The following DPP9 variants were observed in gnomAD, a reference collection of about 807,000 sequenced individuals.
DPP9 encodes the protein dipeptidyl peptidase IV-related protein-2.
In DPP9, 50 loss-of-function variants were observed where a neutral mutation model predicts 110.7. The ratio of observed to expected loss-of-function variants is 0.45; its 90% CI spans 0.36 to 0.57. The LOEUF is 0.57. DPP9 is among the 20% of genes least tolerant of loss of function. DPP9 has a pLI of 0.00. For missense variants in DPP9, 1,022 were observed against 1,217.9 expected (o/e 0.84, Z 2.39); for synonymous variants, 561 against 514.4 (o/e 1.09, Z -1.23).
chr19:4,679,247 C>T (rs1250075136), intron 21 of DPP9: 2 of 153,112 alleles, frequency 1.3e-5, no homozygotes, highest in African/African-American at 4.8e-5. Context: ...TCCCACCCTC[C>T]TCGCCATTGA....
rs368864321 is a variant in DPP9 at position 4,684,820 on chromosome 19, G to A, written c.2032-11C>T. The A allele has an allele frequency of 6.4e-5, 101 of 1,585,728 alleles. No individual in the cohort carries two copies. In the African/African-American group the frequency reaches 1.3e-3, roughly 20 times the overall value. ...ATTCACCAGCTGCACCTGTGGGGAG[G>A]TGAGGGCCAGCAGTCCAGCACGAGA... is the stretch of plus-strand genomic sequence containing the variant. On this transcript the variant is annotated splice_polypyrimidine_tract_variant and intron_variant, in intron 17 of 21. Coordinates refer to ENST00000262960, the MANE Select transcript of DPP9 (RefSeq NM_139159.5). The surrounding 1 kb of genome is among the most constrained non-coding windows in gnomAD (Gnocchi z 4.8).
rs1163093606 is a variant in DPP9, at chr19:4,703,971, G to A, written c.684C>T (p.Ala228=). The change falls in exon 7 of 22, where the codon GCC becomes GCT. Residue 228 remains alanine, a synonymous_variant. Coordinates refer to ENST00000262960, the MANE Select transcript of DPP9 (RefSeq NM_139159.5). ...MDPKICPADP[A]FFSFINNSDL... ...CGCTGTTATTGATGAAGGAGAAGAA[G>A]GCAGGGTCGGCAGGGCAGATTTTGG... 2.5e-6 allele frequency: 4 copies of A among 1,613,984 alleles called. No homozygotes were observed. The highest frequency in any genetic ancestry group is 1.7e-5 in the Admixed American group (1 of 60,016).
chr19:4,679,838 G>C lies in DPP9; in HGVS notation c.2583C>G (p.Leu861=). Residue 861 remains leucine, a synonymous_variant, in exon 21 of 22, where the codon CTC becomes CTG. Transcript: ENST00000262960. ...QLIRAGKPYQ[L]QIYPNERHSI... is the part of the protein sequence containing the mutation. ...GAAGCCCCCAACAGCCACCCACCTG[G>C]AGCTGGTAAGGTTTCCCTGCTCGGA... 5.6e-6 allele frequency: 9 copies of C among 1,608,608 alleles called. No homozygotes were observed. The highest frequency in any genetic ancestry group is 7.6e-6 in the Non-Finnish European group (9 of 1,177,530).
chr19:4,714,081 C>T lies in DPP9; in HGVS notation c.313G>A (p.Gly105Arg). Reference sequence around the variant, plus strand: ...AAGCAGCCTGCAGGGCCCGGCTTACCCAGGTAGTAGAGGCGGTGGGAGTGG... The same window carrying T: ...AAGCAGCCTGCAGGGCCCGGCTTACTCAGGTAGTAGAGGCGGTGGGAGTGG... Reference protein sequence around the residue: ...GPHSHRLYYLGMPYGSRENSL... With the variant: ...GPHSHRLYYLRMPYGSRENSL... The change falls in exon 4 of 22, where the codon GGA (glycine) becomes AGA (arginine). Residue 105 changes from glycine (G) to arginine (R), a missense_variant and splice_region_variant. Coordinates refer to ENST00000262960, the MANE Select transcript of DPP9 (RefSeq NM_139159.5). 6.2e-7 allele frequency: 1 copy of T among 1,609,880 alleles called. No individual in the cohort carries two copies. Among genetic ancestry groups the T allele is most frequent in the Non-Finnish European group, 8.5e-7 (1 of 1,177,708 alleles).
rs994761480 is a variant in DPP9 at position 4,688,579 on chromosome 19, C to T, written c.1885+178G>A. On this transcript the variant is annotated intron_variant, in intron 16 of 21. Transcript: ENST00000262960. Reference sequence around the variant, plus strand: ...TCGAACCCAGGACCGTCTCGGACGGCAGGGGCTGTGGCTTATGTCCTATGA... The same window carrying T: ...TCGAACCCAGGACCGTCTCGGACGGTAGGGGCTGTGGCTTATGTCCTATGA... 14 of 794,492 alleles carry T rather than the reference C, an allele frequency of 1.8e-5. No homozygotes were observed. The African/African-American group carries it at 2.5e-4, about 14-fold the overall frequency. 49.2% of individuals were successfully genotyped at this position (794,492 alleles called of 1,614,324 possible).
In DPP9 at chr19:4,683,489, G is replaced by T. The variant is rs376271276; in HGVS notation, c.2319C>A (p.Pro773=). ...FLSLMGLIHK[P]QVFKVAIAGA... ...GGGTGGGACCCACCTTGAACACCTG[G>T]GGCTTGTGGATTAGCCCCATGAGCG... The change falls in exon 19 of 22, where the codon CCC becomes CCA. Residue 773 remains proline (P), a synonymous_variant. Coordinates refer to ENST00000262960, the MANE Select transcript of DPP9 (RefSeq NM_139159.5). The T allele has an allele frequency of 7.0e-5, 113 of 1,613,102 alleles. No homozygotes were observed. The African/African-American group carries it at 1.4e-3, about 20-fold the overall frequency.
chr19:4,695,662 G>GAA lies in DPP9; in HGVS notation c.1176-108_1176-107insTT. On this transcript the variant is annotated intron_variant, in intron 11 of 21. Transcript: ENST00000262960. This position sits in a 1 kb window ranked among gnomAD's most constrained non-coding sequence, Gnocchi z 4.7. ...CCAAACCCGTGTGGAATCAGGGCTG[G>GAA]GCTTCCTGCGCTGGCTTCACCTGCA... 9.9e-7 allele frequency: 1 copy of GAA among 1,005,710 alleles called. No individual in the cohort carries two copies. Among genetic ancestry groups the GAA allele is most frequent in the Non-Finnish European group, 1.4e-6 (1 of 731,912 alleles). 62.3% of individuals were successfully genotyped at this position (1,005,710 alleles called of 1,614,324 possible).
intron 7 of DPP9, 84 bp from the exon 8 acceptor site, chr19:4,702,800 G>A: frequency 1.9e-6 from 1 of 540,028 alleles, no homozygotes; most frequent in Non-Finnish European, 3.1e-6. Context: ...GAGAGCATGA[G>A]AGAGAGGGAG....
intron 14 of DPP9, among the ~76,000 whole-genome samples, chr19:4,690,159 A>G (rs549152884): frequency 3.3e-5 from 5 of 152,328 alleles, no homozygotes; most frequent in Admixed American, 3.3e-4. Context: ...TCCTGTGGGA[A>G]GCCCCAGTAG....
Position 4,694,582 on chromosome 19 carries a change from C to A in DPP9, c.1516+79G>T, listed in dbSNP as rs1172605959. ...AGGGTGTGCTGGCTGAGTGGGGGGGCCGACCAATGAACAAACAGCATATTG... is the reference window on the plus strand; with the variant it reads ...AGGGTGTGCTGGCTGAGTGGGGGGGACGACCAATGAACAAACAGCATATTG... On this transcript the variant is annotated intron_variant, in intron 13 of 21. Coordinates refer to ENST00000262960, the MANE Select transcript of DPP9 (RefSeq NM_139159.5). The surrounding 1 kb of genome is among the most constrained non-coding windows in gnomAD (Gnocchi z 4.0). 6.6e-7 allele frequency: 1 copy of A among 1,513,524 alleles called. No homozygotes were observed. Among genetic ancestry groups the A allele is most frequent in the Non-Finnish European group, 8.9e-7 (1 of 1,121,150 alleles). The allele number at this position is 1,513,524 out of a possible 1,614,324, so 93.8% of individuals were successfully genotyped here.
At chr19:4,721,712 C>T (rs981931685) in intron 2 of DPP9, among the ~76,000 whole-genome samples, 5 of 152,102 alleles carry the variant, frequency 3.3e-5, no homozygotes, top group South Asian at 2.1e-4. Context: ...ACTCAGAAGG[C>T]GGAGGTTGCA....
At chr19:4,720,784 T>C (rs898458138) in intron 2 of DPP9, among the ~76,000 whole-genome samples, 1 of 152,152 alleles carries the variant, frequency 6.6e-6, no homozygotes, top group Non-Finnish European at 1.5e-5. Flanking sequence ...ATGTCAGCAA[T>C]GCCAAGCCGG....
chr19:4,700,326 T>G lies in DPP9; in HGVS notation c.1013-49A>C, dbSNP rs372428931. The G allele has an allele frequency of 2.0e-6, 3 of 1,525,942 alleles. No individual in the cohort carries two copies. In the African/African-American group the frequency reaches 4.1e-5, roughly 21 times the overall value. The allele number at this position is 1,525,942 out of a possible 1,614,324, so 94.5% of individuals were successfully genotyped here. A position where few individuals can be genotyped will look rare whatever the true frequency, so the allele number is the denominator to read the frequency against. On this transcript the variant is annotated intron_variant, in intron 9 of 21. Transcript: ENST00000262960. The surrounding 1 kb of genome is among the most constrained non-coding windows in gnomAD (Gnocchi z 4.3). ...ACACCAGGCAGGCATCACCCGTGTG[T>G]GCCGAGAGCCGGCACGGGGGGCCTG...
chr19:4,683,598 C>T lies in DPP9; in HGVS notation c.2210G>A (p.Gly737Asp). The T allele has an allele frequency of 1.2e-6, 2 of 1,612,766 alleles. No individual in the cohort carries two copies. The highest frequency in any genetic ancestry group is 8.5e-7 in the Non-Finnish European group (1 of 1,179,606). Residue 737 changes from glycine (G) to aspartate (D), a missense_variant, in exon 19 of 22, where the codon GGC becomes GAC. Coordinates refer to ENST00000262960, the MANE Select transcript of DPP9 (RefSeq NM_139159.5). ...ATACTTCTCGGCCACGAACTGCAGG[C>T]CCTCCACCTGGTCCTCGATCTCCAC... is the stretch of plus-strand genomic sequence containing the variant. ...GQVEIEDQVE[G>D]LQFVAEKYGF...
intron 4 of DPP9, among the ~76,000 whole-genome samples, chr19:4,713,445 G>A (rs890586697): frequency 8.5e-5 from 13 of 152,372 alleles, no homozygotes; most frequent in Admixed American, 7.2e-4. Flanking sequence ...AGTCCCGTGA[G>A]GCACTGCAGA....
chr19:4,706,249 C>T (rs940386435), intron 4 of DPP9, among the ~76,000 whole-genome samples: 1 of 150,298 alleles, frequency 6.7e-6, no homozygotes, highest in Admixed American at 6.6e-5. Context: ...GTAATCCCAG[C>T]ACTTTGGGAG....
In DPP9 at chr19:4,683,485, C is replaced by G; in HGVS notation, c.2323G>C (p.Val775Leu). The change falls in exon 19 of 22, where the codon GTG becomes CTG. Residue 775 changes from valine to leucine, a missense_variant. Val to Leu is a conservative substitution (Grantham distance 32). Transcript: ENST00000262960. ...CCAGGGGTGGGACCCACCTTGAACA[C>G]CTGGGGCTTGTGGATTAGCCCCATG... Reference protein sequence around the residue: ...SLMGLIHKPQVFKVAIAGAPV... With the variant: ...SLMGLIHKPQLFKVAIAGAPV... The G allele has an allele frequency of 1.2e-6, 2 of 1,613,086 alleles. No individual in the cohort carries two copies. The highest frequency in any genetic ancestry group is 1.7e-6 in the Non-Finnish European group (2 of 1,179,858).
At chr19:4,717,234 A>G (rs1248873735) in intron 3 of DPP9, among the ~76,000 whole-genome samples, 1 of 152,216 alleles carries the variant, frequency 6.6e-6, no homozygotes, top group African/African-American at 2.4e-5. Context: ...AAAGGACATC[A>G]GCACTTACAG....
chr19:4,680,272 T>C (rs909839514), intron 20 of DPP9, among the ~76,000 whole-genome samples: 8 of 140,790 alleles, frequency 5.7e-5, no homozygotes, highest in African/African-American at 1.4e-4. Flanking sequence ...CTGAGTGTAG[T>C]GGTGCGCCTG....
Sources: gnomAD v4.1 joint callset for allele counts (sites outside exome capture counted in the v4.1 genomes callset) on GRCh38, gnomAD v4.1.1 for gene constraint, Gnocchi (gnomAD v3.1) non-coding constraint, MANE v1.5 for transcripts, NCBI Gene and HGNC (gene_info 2026-07-23, HGNC 2026-07-21) for gene names.